SV2C: variants seen among roughly 807,000 people sequenced by gnomAD.
SV2C encodes synaptic vesicle glycoprotein 2C.
Under a neutral mutation model 79.7 loss-of-function variants are expected in SV2C, and 49 were observed. That is an observed-to-expected ratio of 0.61 (90% confidence interval 0.49 to 0.78). SV2C has a LOEUF of 0.78. SV2C is among the 30% of genes least tolerant of loss of function. The probability of loss-of-function intolerance (pLI) is 0.00; values close to 1 mark genes in which losing one functional copy is unlikely to be tolerated. For synonymous variants in SV2C, 334 were observed against 333.2 expected, an observed-to-expected ratio of 1.00 and a Z score of -0.03; for missense variants, 833 against 912.9, an observed-to-expected ratio of 0.91 and a Z score of 1.13.
the SV2C span, among the ~76,000 whole-genome samples, chr5:75,931,799 C>T: frequency 5.3e-5 from 8 of 152,220 alleles, no homozygotes; most frequent in Non-Finnish European, 1.0e-4. Flanking sequence ...TCTCTCATAA[C>T]GTGTTATGAT....
chr5:76,194,446 T>G (rs1219671844), intron 2 of SV2C, among the ~76,000 whole-genome samples: 2 of 152,142 alleles, frequency 1.3e-5, no homozygotes, highest in Non-Finnish European at 2.9e-5. Flanking sequence ...CACTTATACA[T>G]TCTCTAAATT....
intron 3 of SV2C, among the ~76,000 whole-genome samples, chr5:76,201,794 G>A (rs561285743): frequency 1.4e-3 from 214 of 152,108 alleles, no homozygotes; most frequent in African/African-American, 4.9e-3. Context: ...TGAGGTGGGC[G>A]GATCACGAGG....
chr5:76,053,149 G>C, the SV2C span, among the ~76,000 whole-genome samples: 6 of 150,414 alleles, frequency 4.0e-5, 1 homozygote, highest in Admixed American at 2.0e-4. Context: ...AAGAACTTCA[G>C]AGAGCTATTG....
chr5:76,069,656 A>C, the SV2C span, among the ~76,000 whole-genome samples: 1 of 152,172 alleles, frequency 6.6e-6, no homozygotes, highest in Non-Finnish European at 1.5e-5. Context: ...TTCTAAAGGC[A>C]GAGCCTGAAA....
the SV2C span, among the ~76,000 whole-genome samples, chr5:75,883,080 A>T: frequency 6.8e-6 from 1 of 146,578 alleles, no homozygotes; most frequent in African/African-American, 2.6e-5. Context: ...GCCAAAAAAC[A>T]CATGAAAAAA....
chr5:76,274,757 C>T (rs1213886444), intron 4 of SV2C, among the ~76,000 whole-genome samples: 1 of 150,790 alleles, frequency 6.6e-6, no homozygotes, highest in Non-Finnish European at 1.5e-5. Context: ...CAGGAACCAT[C>T]CAGCTGCATC....
the SV2C span, chr5:75,911,124 A>C: frequency 6.5e-7 from 1 of 1,544,424 alleles, no homozygotes; most frequent in Non-Finnish European, 8.9e-7. Flanking sequence ...AGCACTTAGA[A>C]GATGAGGAAA....
intron 4 of SV2C, among the ~76,000 whole-genome samples, chr5:76,228,810 C>T (rs1745329655): frequency 6.6e-6 from 1 of 152,148 alleles, no homozygotes; most frequent in African/African-American, 2.4e-5. Flanking sequence ...CTATGTTTTA[C>T]AGGTGAGGAA....
chr5:76,283,412 T>A (rs6876070), intron 4 of SV2C, among the ~76,000 whole-genome samples: 15,698 of 152,288 alleles, frequency 0.1, 851 homozygotes, highest in Admixed American at 0.14. Flanking sequence ...TGAAATGTGC[T>A]GTGGCCTGAA....
the SV2C span, among the ~76,000 whole-genome samples, chr5:75,984,590 T>TCTATCTATCTATCTATCTATCTAC: frequency 1.0e-5 from 1 of 99,126 alleles, no homozygotes; most frequent in African/African-American, 3.0e-5. Context: ...TATCTATCTA[T>TCTATCTATCTATCTATCTATCTAC]CTATCTACCT....
At chr5:76,320,373 C>T (rs1580070351) in intron 12 of SV2C, among the ~76,000 whole-genome samples, 1 of 152,096 alleles carries the variant, frequency 6.6e-6, no homozygotes, top group East Asian at 1.9e-4. Flanking sequence ...GGATACATGT[C>T]ATTATACATG....
At chr5:75,883,812 A>G in the SV2C span, among the ~76,000 whole-genome samples, 1 of 151,464 alleles carries the variant, frequency 6.6e-6, no homozygotes, top group East Asian at 1.9e-4. Flanking sequence ...CATTGTGCAC[A>G]TGTACCCTAA....
At chr5:76,108,688 A>T (rs2112134083) in intron 1 of SV2C, among the ~76,000 whole-genome samples, 1 of 152,314 alleles carries the variant, frequency 6.6e-6, no homozygotes, top group Admixed American at 6.5e-5. Context: ...GATATAAAAG[A>T]TCATGTTTTG....
intron 4 of SV2C, among the ~76,000 whole-genome samples, chr5:76,273,717 C>T (rs1313995396): frequency 6.6e-6 from 1 of 152,180 alleles, no homozygotes; most frequent in Non-Finnish European, 1.5e-5. Context: ...CGGGCCTGCT[C>T]TTAAAGACAG....
At chr5:76,052,633 A>G in the SV2C span, among the ~76,000 whole-genome samples, 1 of 152,210 alleles carries the variant, frequency 6.6e-6, no homozygotes, top group African/African-American at 2.4e-5. Flanking sequence ...TGTGTCACAC[A>G]TGGCCTGTGC....
chr5:76,108,104 A>G (rs894447679), intron 1 of SV2C, among the ~76,000 whole-genome samples: 24 of 152,204 alleles, frequency 1.6e-4, no homozygotes, highest in Non-Finnish European at 2.8e-4. Flanking sequence ...GTTGGTCTAC[A>G]TGGAGCATAG....
chr5:76,231,330 G>A lies in SV2C; in HGVS notation c.913+21443G>A, dbSNP rs560288276. Among the ~76,000 whole-genome samples, 4 of 152,174 alleles carry A rather than the reference G, an allele frequency of 2.6e-5. No individual in the cohort carries two copies. The East Asian group carries it at 5.8e-4, about 22-fold the overall frequency. On this transcript the variant is annotated intron_variant, in intron 4 of 12. Transcript: ENST00000502798. ...TAAACATATGTTACAATATCACACTGTACCCCATAAATATATTAATATATA... is the reference window on the plus strand; with the variant it reads ...TAAACATATGTTACAATATCACACTATACCCCATAAATATATTAATATATA...
At chr5:76,163,785 A>G (rs1450673134) in intron 2 of SV2C, among the ~76,000 whole-genome samples, 1 of 152,192 alleles carries the variant, frequency 6.6e-6, no homozygotes, top group East Asian at 1.9e-4. Context: ...TCTTCTTTGC[A>G]CCCTTGAACC....
intron 1 of SV2C, among the ~76,000 whole-genome samples, chr5:76,109,250 T>A (rs1748021949): frequency 6.6e-6 from 1 of 152,176 alleles, no homozygotes; most frequent in Non-Finnish European, 1.5e-5. Context: ...TTCTTTCTAG[T>A]CTAATATCAG....
Sources: gnomAD v4.1 joint callset for allele counts (sites outside exome capture counted in the v4.1 genomes callset) on GRCh38, gnomAD v4.1.1 for gene constraint, MANE v1.5 for transcripts, NCBI Gene and HGNC (gene_info 2026-07-23, HGNC 2026-07-21) for gene names.